The following ZNF385B variants were observed in gnomAD, a reference collection of about 807,000 sequenced individuals.
The protein encoded by ZNF385B is zinc finger protein 385B.
Under a neutral mutation model 39.2 loss-of-function variants are expected in ZNF385B, and 23 were observed. That is an observed-to-expected ratio of 0.59 (90% CI 0.42 to 0.83). The LOEUF (loss-of-function observed/expected upper bound fraction) is 0.83. Among genes scored for constraint, ZNF385B ranks in the 40% least tolerant of loss-of-function variants. The pLI is 0.00. For missense variants in ZNF385B, 552 were observed against 598.9 expected (o/e 0.92, Z 0.82); for synonymous variants, 205 against 222.6 (o/e 0.92, Z 0.70).
At chr2:179,813,257 C>T (rs1706847308) in intron 1 of ZNF385B, among the ~76,000 whole-genome samples, 1 of 152,084 alleles carries the variant, frequency 6.6e-6, no homozygotes, top group Admixed American at 6.6e-5. Context: ...ACAGTGTTTG[C>T]CCCCAGATTT....
intron 1 of ZNF385B, among the ~76,000 whole-genome samples, chr2:179,822,521 G>C (rs1017210750): frequency 6.6e-6 from 1 of 152,120 alleles, no homozygotes; most frequent in African/African-American, 2.4e-5. Context: ...GAGTCTGATG[G>C]AGTCCTGCAC....
chr2:179,507,654 G>T (rs62177241), intron 5 of ZNF385B, among the ~76,000 whole-genome samples: 15 of 152,068 alleles, frequency 9.9e-5, no homozygotes, highest in Non-Finnish European at 1.8e-4. Flanking sequence ...AGATATAGGA[G>T]GGTATTTCTC....
At chr2:179,629,632 A>C (rs1267312213) in intron 3 of ZNF385B, among the ~76,000 whole-genome samples, 1 of 152,182 alleles carries the variant, frequency 6.6e-6, no homozygotes, top group Non-Finnish European at 1.5e-5. Context: ...CACATTTTCA[A>C]CTGAGGTACC....
intron 3 of ZNF385B, among the ~76,000 whole-genome samples, chr2:179,688,265 G>A (rs926159194): frequency 1.3e-5 from 2 of 152,126 alleles, no homozygotes; most frequent in Non-Finnish European, 2.9e-5. Context: ...GAAGTTTAGG[G>A]AAGTACAAAG....
chr2:179,837,428 T>C (rs1708313266), intron 1 of ZNF385B, among the ~76,000 whole-genome samples: 1 of 152,230 alleles, frequency 6.6e-6, no homozygotes, highest in Non-Finnish European at 1.5e-5. Flanking sequence ...AGTATTATTG[T>C]TAGTTAGTAT....
intron 3 of ZNF385B, among the ~76,000 whole-genome samples, chr2:179,599,767 C>T (rs1193602796): frequency 6.6e-6 from 1 of 152,170 alleles, no homozygotes; most frequent in East Asian, 1.9e-4. Flanking sequence ...CAAGCAGTCT[C>T]TTGAAAATTC....
chr2:179,558,989 A>ATGGTG (rs2061142085), intron 3 of ZNF385B, among the ~76,000 whole-genome samples: 1 of 152,188 alleles, frequency 6.6e-6, no homozygotes, highest in Admixed American at 6.6e-5. Flanking sequence ...ATGGGAAAAA[A>ATGGTG]TGGTGAGGGA....
rs116221616 is a variant in ZNF385B at position 179,774,957 on chromosome 2, G to A, written c.-154-4285C>T. Among the ~76,000 whole-genome samples the A allele has an allele frequency of 3.9e-3, 599 of 152,300 alleles. 5 individuals are homozygous for A. The highest frequency in any genetic ancestry group is 0.014 in the African/African-American group (567 of 41,568). Reference sequence around the variant, plus strand: ...ACTGGGTATTGTGGGAAAGTTTGGGGAATACTTTCTGAAGATTAAAACACA... The same window carrying A: ...ACTGGGTATTGTGGGAAAGTTTGGGAAATACTTTCTGAAGATTAAAACACA... On this transcript the variant is annotated intron_variant, in intron 1 of 9. Transcript: ENST00000410066.
chr2:179,859,896 C>T (rs1684903789), intron 1 of ZNF385B, among the ~76,000 whole-genome samples: 1 of 152,132 alleles, frequency 6.6e-6, no homozygotes, highest in African/African-American at 2.4e-5. Flanking sequence ...TGAAATTTGG[C>T]CTTGGAACAT....
At chr2:179,758,823 G>A (rs965583355) in intron 3 of ZNF385B, among the ~76,000 whole-genome samples, 4 of 152,158 alleles carry the variant, frequency 2.6e-5, no homozygotes, top group South Asian at 2.1e-4. Context: ...GCAGCTCCAC[G>A]GGTGTGCACC....
chr2:179,566,661 A>G (rs976532635), intron 3 of ZNF385B, among the ~76,000 whole-genome samples: 2 of 152,210 alleles, frequency 1.3e-5, no homozygotes, highest in Admixed American at 1.3e-4. Flanking sequence ...AAGTCCACAT[A>G]TTTGAATTTT....
chr2:179,650,606 A>C (rs1693111536), intron 3 of ZNF385B, among the ~76,000 whole-genome samples: 1 of 152,204 alleles, frequency 6.6e-6, no homozygotes, highest in Non-Finnish European at 1.5e-5. Flanking sequence ...ATCCTGTAAC[A>C]AGCTGTCATG....
intron 6 of ZNF385B, among the ~76,000 whole-genome samples, chr2:179,455,742 AT>A (rs1156721346): frequency 2.7e-5 from 4 of 149,528 alleles, no homozygotes; most frequent in Admixed American, 2.0e-4. Context: ...ACAAAAAAAA[AT>A]TAGCTAGGCA....
chr2:179,725,853 A>G (rs925893030), intron 3 of ZNF385B, among the ~76,000 whole-genome samples: 2 of 150,118 alleles, frequency 1.3e-5, no homozygotes, highest in East Asian at 1.9e-4. Context: ...ATATACATAT[A>G]TCATATATCT....
At chr2:179,775,802 C>T (rs567663291) in intron 1 of ZNF385B, among the ~76,000 whole-genome samples, 5 of 152,324 alleles carry the variant, frequency 3.3e-5, no homozygotes, top group African/African-American at 9.6e-5. Context: ...GATAATATAG[C>T]TCCAAGGAAC....
At chr2:179,758,372 T>C (rs749934677) in intron 3 of ZNF385B, among the ~76,000 whole-genome samples, 25 of 152,190 alleles carry the variant, frequency 1.6e-4, no homozygotes, top group Non-Finnish European at 3.2e-4. Flanking sequence ...TGTTGCTGCA[T>C]CCTCCAGAGG....
intron 1 of ZNF385B, among the ~76,000 whole-genome samples, chr2:179,855,399 G>T (rs1251343101): frequency 6.6e-6 from 1 of 151,912 alleles, no homozygotes; most frequent in East Asian, 1.9e-4. Flanking sequence ...TTTTTTACTT[G>T]TTGATGATAG....
intron 6 of ZNF385B, among the ~76,000 whole-genome samples, chr2:179,467,435 T>C (rs1241639645): frequency 2.0e-5 from 3 of 152,352 alleles, no homozygotes; most frequent in Admixed American, 2.0e-4. Flanking sequence ...TTCTATATGG[T>C]GTCTGCCATT....
chr2:179,493,560 T>C (rs529173513), intron 5 of ZNF385B, among the ~76,000 whole-genome samples: 47 of 150,442 alleles, frequency 3.1e-4, no homozygotes, highest in Admixed American at 6.6e-4. Flanking sequence ...TACATGCACA[T>C]ATATGCGTAT....
Sources: gnomAD v4.1 joint callset for allele counts (sites outside exome capture counted in the v4.1 genomes callset) on GRCh38, gnomAD v4.1.1 for gene constraint, MANE v1.5 for transcripts, NCBI Gene and HGNC (gene_info 2026-07-23, HGNC 2026-07-21) for gene names.